SLC26A7: variants seen among roughly 807,000 people sequenced by gnomAD.
SLC26A7 encodes the protein solute carrier family 26 member 7.
Under a neutral mutation model 82.5 loss-of-function variants are expected in SLC26A7, and 59 were observed. The ratio of observed to expected loss-of-function variants is 0.72; its 90% confidence interval spans 0.58 to 0.89. The LOEUF (loss-of-function observed/expected upper bound fraction) is 0.89. Among genes scored for constraint, SLC26A7 ranks in the 40% least tolerant of loss-of-function variants. The pLI is 0.00. For synonymous variants in SLC26A7, 271 were observed against 274.3 expected, an observed-to-expected ratio of 0.99 and a Z score of 0.12; for missense variants, 820 against 793.0, an observed-to-expected ratio of 1.03 and a Z score of -0.41.
intron 2 of SLC26A7, among the ~76,000 whole-genome samples, chr8:91,241,833 A>G (rs1040234050): frequency 6.6e-6 from 1 of 152,148 alleles, no homozygotes; most frequent in Non-Finnish European, 1.5e-5. Context: ...ATGCTATAAA[A>G]ATGATTTTCA....
chr8:91,334,549 A>G (rs993657113), intron 6 of SLC26A7, 102 bp downstream of exon 6: 1 of 1,009,166 alleles, frequency 9.9e-7, no homozygotes, highest in African/African-American at 1.6e-5. Flanking sequence ...ACCCTCAGCT[A>G]CTCCTGTCTC....
intron 1 of SLC26A7, among the ~76,000 whole-genome samples, chr8:91,217,178 T>A (rs1810065811): frequency 6.6e-6 from 1 of 152,152 alleles, no homozygotes; most frequent in African/African-American, 2.4e-5. Context: ...GTTTGCTGTA[T>A]ATCTTTGTAG....
intron 16 of SLC26A7, among the ~76,000 whole-genome samples, chr8:91,389,829 A>G (rs567684369): frequency 3.2e-4 from 49 of 152,298 alleles, no homozygotes; most frequent in Admixed American, 7.2e-4. Flanking sequence ...TTTCTCTTAC[A>G]TCACGGTTGG....
intron 2 of SLC26A7, among the ~76,000 whole-genome samples, chr8:91,227,014 C>T (rs1331315239): frequency 6.6e-6 from 1 of 152,180 alleles, no homozygotes; most frequent in Non-Finnish European, 1.5e-5. Flanking sequence ...TGCTTCTGCC[C>T]TGTGGGGTCA....
intron 18 of SLC26A7, 92 bp from the exon 19 acceptor site, chr8:91,394,970 A>C: frequency 7.1e-7 from 1 of 1,408,590 alleles, no homozygotes; most frequent in Non-Finnish European, 1.0e-6. Flanking sequence ...TTAGCTGGAC[A>C]GCTTGCTTCA....
intron 4 of SLC26A7, among the ~76,000 whole-genome samples, chr8:91,313,256 T>C (rs1164977228): frequency 3.3e-5 from 5 of 152,182 alleles, no homozygotes; most frequent in South Asian, 4.1e-4. Flanking sequence ...CTTTCCTTCA[T>C]TGAATGGTCT....
intron 9 of SLC26A7, among the ~76,000 whole-genome samples, chr8:91,345,524 G>A (rs542168032): frequency 6.6e-6 from 1 of 152,218 alleles, no homozygotes; most frequent in South Asian, 2.1e-4. Context: ...TCCTTAAAAT[G>A]TTAAAAATGA....
intron 2 of SLC26A7, among the ~76,000 whole-genome samples, chr8:91,219,871 G>A (rs946487575): frequency 6.6e-6 from 1 of 152,150 alleles, no homozygotes; most frequent in Non-Finnish European, 1.5e-5. Flanking sequence ...TAAAGCTGCT[G>A]CATGTTCAGA....
At chr8:91,228,271 G>C (rs1008060880) in intron 2 of SLC26A7, among the ~76,000 whole-genome samples, 4 of 152,226 alleles carry the variant, frequency 2.6e-5, no homozygotes, top group Non-Finnish European at 5.9e-5. Flanking sequence ...CAGCACGGTA[G>C]TAAACATAGG....
chr8:91,234,775 C>T (rs190813629), intron 2 of SLC26A7, among the ~76,000 whole-genome samples: 20 of 145,734 alleles, frequency 1.4e-4, no homozygotes, highest in Admixed American at 1.1e-3. Context: ...TTCCTTCCTT[C>T]CTTCCTTCCC....
At chr8:91,245,637 G>A (rs994150933), upstream of SLC26A7, among the ~76,000 whole-genome samples, 2 of 152,048 alleles carry the variant, frequency 1.3e-5, no homozygotes, top group South Asian at 4.2e-4. Flanking sequence ...TTGTAACCTC[G>A]ATATAAATCA....
At chr8:91,233,569 A>G (rs575621938) in intron 2 of SLC26A7, among the ~76,000 whole-genome samples, 170 of 151,716 alleles carry the variant, frequency 1.1e-3, no homozygotes, top group Non-Finnish European at 2.2e-3. Context: ...TCTGTGTCAA[A>G]AAAAGAAAAA....
intron 4 of SLC26A7, among the ~76,000 whole-genome samples, chr8:91,298,152 C>T (rs909408844): frequency 6.6e-6 from 1 of 152,112 alleles, no homozygotes; most frequent in Admixed American, 6.6e-5. Context: ...TCTGTTATTA[C>T]ATAATAAGGG....
At chr8:91,314,928 C>T (rs1394567544) in intron 4 of SLC26A7, among the ~76,000 whole-genome samples, 2 of 152,078 alleles carry the variant, frequency 1.3e-5, no homozygotes, top group African/African-American at 4.8e-5. Context: ...CTTCTGGACT[C>T]TTTTGTTTGT....
At chr8:91,379,936 T>G (rs1316672339) in intron 15 of SLC26A7, among the ~76,000 whole-genome samples, 2 of 151,556 alleles carry the variant, frequency 1.3e-5, no homozygotes, top group Non-Finnish European at 2.9e-5. Flanking sequence ...AATCAACGAG[T>G]AAAAAAAGGC....
In SLC26A7 at chr8:91,310,299, G is replaced by A. The variant is rs112568856; in HGVS notation, c.478-7917G>A. Among the ~76,000 whole-genome samples the A allele has an allele frequency of 1.3e-3, 196 of 152,172 alleles. 2 individuals carry two copies. The highest frequency in any genetic ancestry group is 4.6e-3 in the African/African-American group (193 of 41,528). On this transcript the variant is annotated intron_variant, in intron 4 of 18. Coordinates refer to ENST00000276609, the MANE Select transcript of SLC26A7 (RefSeq NM_052832.4). ...ATGGAGAAAAGTCCGGTGGTTCTGT[G>A]GGTCTTGGCCTTTAGCTAGCTGTCA...
intron 2 of SLC26A7, among the ~76,000 whole-genome samples, chr8:91,288,191 T>C (rs1476208717): frequency 6.6e-6 from 1 of 152,230 alleles, no homozygotes; most frequent in African/African-American, 2.4e-5. Flanking sequence ...CCAGGCTTTA[T>C]AGTGTGAATA....
chr8:91,392,105 C>T (rs958752071), intron 16 of SLC26A7, among the ~76,000 whole-genome samples: 25 of 152,256 alleles, frequency 1.6e-4, no homozygotes, highest in African/African-American at 5.8e-4. Context: ...GATCAATCAA[C>T]TGATGCAATT....
chr8:91,313,251 C>T (rs1289173433), intron 4 of SLC26A7, among the ~76,000 whole-genome samples: 3 of 152,062 alleles, frequency 2.0e-5, no homozygotes, highest in Non-Finnish European at 4.4e-5. Flanking sequence ...CTGTCCTTTC[C>T]TTCATTGAAT....
Sources: allele counts gnomAD v4.1 joint callset (sites outside exome capture counted in the v4.1 genomes callset), GRCh38; gene constraint gnomAD v4.1.1; transcripts MANE v1.5; gene names NCBI Gene and HGNC (gene_info 2026-07-23, HGNC 2026-07-21).